Variants in PTPRG observed in about 807,000 individuals in gnomAD.
The protein encoded by PTPRG is protein tyrosine phosphatase receptor type G.
PTPRG carries 102 observed loss-of-function variants against 165.3 expected under a neutral mutation model. The observed-to-expected ratio is 0.62, with a 90% CI of 0.53 to 0.73. The LOEUF is 0.73. Ranked by LOEUF, PTPRG falls within the 30% of genes least tolerant of loss-of-function variation. The probability of loss-of-function intolerance (pLI) is 0.00; values close to 1 mark genes in which losing one functional copy is unlikely to be tolerated. For synonymous variants in PTPRG, 675 were observed against 669.5 expected, an observed-to-expected ratio of 1.01 and a Z score of -0.13; for missense variants, 1,866 against 1,861.4, an observed-to-expected ratio of 1.00 and a Z score of -0.05.
intron 2 of PTPRG, among the ~76,000 whole-genome samples, chr3:61,971,545 T>C (rs1559720841): frequency 6.6e-6 from 1 of 152,234 alleles, no homozygotes; most frequent in African/African-American, 2.4e-5. Flanking sequence ...AAACTCATTA[T>C]CTTGTAACTA....
intron 2 of PTPRG, among the ~76,000 whole-genome samples, chr3:61,760,064 A>C (rs1026225886): frequency 6.6e-6 from 1 of 152,208 alleles, no homozygotes; most frequent in African/African-American, 2.4e-5. Flanking sequence ...GGCCAGTTTA[A>C]AGAAAAATTT....
intron 2 of PTPRG, among the ~76,000 whole-genome samples, chr3:61,966,170 G>A (rs1409337612): frequency 6.6e-6 from 1 of 152,170 alleles, no homozygotes; most frequent in Non-Finnish European, 1.5e-5. Context: ...TTTGGTTATC[G>A]AGTTTAACTA....
rs147854241 is a variant in PTPRG, at chr3:61,666,511, T to C, written c.86-82367T>C. Among the ~76,000 whole-genome samples the C allele has an allele frequency of 3.7e-3, 571 of 152,330 alleles. 8 individuals are homozygous for C. The highest frequency in any genetic ancestry group is 0.013 in the African/African-American group (539 of 41,570). ...AGCCTAGCCTCTCTGTGCCATCTTTTCTTGCATCTAGCAATGGAAGAAAGG... is the reference window on the plus strand; with the variant it reads ...AGCCTAGCCTCTCTGTGCCATCTTTCCTTGCATCTAGCAATGGAAGAAAGG... On this transcript the variant is annotated intron_variant, in intron 1 of 29. Coordinates refer to ENST00000474889, the MANE Select transcript of PTPRG (RefSeq NM_002841.4).
At chr3:61,918,676 C>T (rs1296177119) in intron 2 of PTPRG, among the ~76,000 whole-genome samples, 1 of 152,132 alleles carries the variant, frequency 6.6e-6, no homozygotes, top group Admixed American at 6.5e-5. Flanking sequence ...TCCTTTACTC[C>T]TTTAAGGTTT....
At chr3:62,158,343 G>A (rs573773001) in intron 7 of PTPRG, among the ~76,000 whole-genome samples, 1 of 152,306 alleles carries the variant, frequency 6.6e-6, no homozygotes, top group East Asian at 1.9e-4. Context: ...AGCCAGGAAC[G>A]ATGGGTAGGA....
At chr3:61,826,769 A>G (rs1052634538) in intron 2 of PTPRG, among the ~76,000 whole-genome samples, 1 of 151,938 alleles carries the variant, frequency 6.6e-6, no homozygotes, top group East Asian at 1.9e-4. Flanking sequence ...TCTGTGAAGT[A>G]TCATAGGTCT....
chr3:61,743,638 T>G (rs2033088738), intron 1 of PTPRG, among the ~76,000 whole-genome samples: 1 of 152,210 alleles, frequency 6.6e-6, no homozygotes, highest in South Asian at 2.1e-4. Context: ...TTTCTCGCTG[T>G]GCTATAACAT....
intron 5 of PTPRG, among the ~76,000 whole-genome samples, chr3:62,125,800 G>A (rs6798094): frequency 0.72 from 109,446 of 151,764 alleles, 39,708 homozygotes; most frequent in Middle Eastern, 0.76. Context: ...TTACCTCTCC[G>A]GTTCAGGAGC....
intron 17 of PTPRG, among the ~76,000 whole-genome samples, chr3:62,264,580 C>T (rs1318975995): frequency 6.6e-6 from 1 of 152,072 alleles, no homozygotes; most frequent in African/African-American, 2.4e-5. Context: ...TTTAATTTAG[C>T]GCAATGATTT....
chr3:62,037,064 T>C (rs1169730205), intron 4 of PTPRG, among the ~76,000 whole-genome samples: 1 of 152,156 alleles, frequency 6.6e-6, no homozygotes, highest in Non-Finnish European at 1.5e-5. Context: ...ATAATAATCT[T>C]TGCTTGCATT....
rs1476885223 is a variant in PTPRG, at chr3:61,989,458, ATCT to A, written c.191-162_191-160del. 3.3e-5 allele frequency among the ~76,000 whole-genome samples: 5 copies of A among 152,326 alleles called. No individual in the cohort carries two copies. The South Asian group carries it at 1.0e-3, about 32-fold the overall frequency. ...TAACTTAAGTAACATCTTTTCTGAA[ATCT>A]TCTTGTCACATCAGGCCAATGGCTT... On this transcript the variant is annotated intron_variant, in intron 2 of 29. Coordinates refer to ENST00000474889, the MANE Select transcript of PTPRG (RefSeq NM_002841.4).
intron 2 of PTPRG, among the ~76,000 whole-genome samples, chr3:61,983,538 G>T (rs2040688341): frequency 6.6e-6 from 1 of 151,908 alleles, no homozygotes; most frequent in Non-Finnish European, 1.5e-5. Context: ...ATTTTTAATG[G>T]CTTTTCATTA....
At chr3:61,599,760 C>A (rs938949970) in intron 1 of PTPRG, among the ~76,000 whole-genome samples, 2 of 151,942 alleles carry the variant, frequency 1.3e-5, no homozygotes, top group Non-Finnish European at 2.9e-5. Flanking sequence ...TCCCAAAGTG[C>A]TAGGATAATC....
chr3:61,788,530 A>G (rs1207912138), intron 2 of PTPRG, among the ~76,000 whole-genome samples: 1 of 152,224 alleles, frequency 6.6e-6, no homozygotes, highest in Non-Finnish European at 1.5e-5. Context: ...AGTACTGTGG[A>G]TTTTCCTACA....
intron 1 of PTPRG, among the ~76,000 whole-genome samples, chr3:61,659,037 T>TCCTGCCCCTGCC (rs57281372): frequency 1.3e-5 from 2 of 151,732 alleles, no homozygotes. Context: ...GGCTGTTTTC[T>TCCTGCCCCTGCC]CCTGCCCCTG....
intron 2 of PTPRG, among the ~76,000 whole-genome samples, chr3:61,943,438 C>T (rs899246493): frequency 1.3e-5 from 2 of 152,096 alleles, no homozygotes; most frequent in Non-Finnish European, 2.9e-5. Flanking sequence ...TAAAAAATAT[C>T]AAAAGTAGCC....
chr3:61,836,055 C>T (rs2036449330), intron 2 of PTPRG, among the ~76,000 whole-genome samples: 1 of 98,392 alleles, frequency 1.0e-5, no homozygotes, highest in African/African-American at 3.5e-5. Context: ...CCCGCGCCCC[C>T]CCCCACCAAA....
At chr3:62,275,373 C>G (rs188983987) in intron 23 of PTPRG, among the ~76,000 whole-genome samples, 248 of 152,132 alleles carry the variant, frequency 1.6e-3, no homozygotes, top group Non-Finnish European at 2.1e-3. Flanking sequence ...GAAAAAAATT[C>G]ACAGCAGCAG....
chr3:62,006,116 A>T (rs1231256040), intron 4 of PTPRG, among the ~76,000 whole-genome samples: 1 of 152,176 alleles, frequency 6.6e-6, no homozygotes, highest in African/African-American at 2.4e-5. Context: ...CACCATGCCC[A>T]GGCTTATTGT....
Sources: allele counts gnomAD v4.1 joint callset (sites outside exome capture counted in the v4.1 genomes callset), GRCh38; gene constraint gnomAD v4.1.1; transcripts MANE v1.5; gene names NCBI Gene and HGNC (gene_info 2026-07-23, HGNC 2026-07-21).